The following ZCCHC24 variants were observed in gnomAD, a reference collection of about 807,000 sequenced individuals.
The protein encoded by ZCCHC24 is zinc finger CCHC-type containing 24.
ZCCHC24 carries 10 observed loss-of-function variants against 26.2 expected under a neutral mutation model. That is an observed-to-expected ratio of 0.38 (90% CI 0.24 to 0.65). The LOEUF is 0.65. Ranked by LOEUF, ZCCHC24 falls within the 30% of genes least tolerant of loss-of-function variation. The pLI is 0.54. For missense variants in ZCCHC24, 243 were observed against 329.1 expected (o/e 0.74, Z 2.03); for synonymous variants, 144 against 147.1 (o/e 0.98, Z 0.15).
chr10:79,445,224 T>A lies in ZCCHC24; in HGVS notation c.217A>T (p.Asn73Tyr). The change falls in exon 1 of 4, where the codon AAC becomes TAC. Residue 73 changes from asparagine (N) to tyrosine (Y), a missense_variant. Asn to Tyr is a moderately radical substitution (Grantham distance 143). This residue lies in a region of ZCCHC24 where 147 missense variants were observed against 150.8 expected (regional missense o/e 0.97). Coordinates refer to ENST00000372336, the MANE Select transcript of ZCCHC24 (RefSeq NM_153367.4). The part of the protein sequence containing the change: ...LGSPLHSSYL[N>Y]SFFQLQRGEA... ...CCGCGCTGCAGCTGGAAGAAGCTGT[T>A]GAGATAGCTGGAGTGCAGGGGCGAG... 7.5e-7 allele frequency: 1 copy of A among 1,329,892 alleles called. No homozygotes were observed. The highest frequency in any genetic ancestry group is 9.7e-7 in the Non-Finnish European group (1 of 1,033,188). The allele number at this position is 1,329,892 out of a possible 1,614,324, so 82.4% of individuals were successfully genotyped here.
intron 2 of ZCCHC24, among the ~76,000 whole-genome samples, chr10:79,412,499 G>A (rs1214550047): frequency 6.6e-6 from 1 of 152,262 alleles, no homozygotes; most frequent in Non-Finnish European, 1.5e-5. Context: ...GGCAGCCACA[G>A]GCAGCTCCAG....
chr10:79,425,180 C>T (rs1447906701), intron 2 of ZCCHC24, among the ~76,000 whole-genome samples: 1 of 152,234 alleles, frequency 6.6e-6, no homozygotes, highest in Non-Finnish European at 1.5e-5. Context: ...CATTGCTGCT[C>T]AGGCCTTCAG....
intron 2 of ZCCHC24, among the ~76,000 whole-genome samples, chr10:79,432,322 A>G (rs530176569): frequency 7.0e-4 from 106 of 152,254 alleles, no homozygotes; most frequent in African/African-American, 2.5e-3. Context: ...AAAATCCCCC[A>G]CCCAGATTGC....
intron 2 of ZCCHC24, among the ~76,000 whole-genome samples, chr10:79,428,038 G>T (rs1231184115): frequency 6.6e-6 from 1 of 152,206 alleles, no homozygotes; most frequent in Non-Finnish European, 1.5e-5. Flanking sequence ...TTGAAGTGGA[G>T]AATTGAAAGC....
intron 2 of ZCCHC24, among the ~76,000 whole-genome samples, chr10:79,398,352 C>A (rs997459822): frequency 6.6e-6 from 1 of 152,208 alleles, no homozygotes; most frequent in Non-Finnish European, 1.5e-5. Flanking sequence ...GACCTGCCTC[C>A]CGGGGCTGTT....
chr10:79,398,500 G>A (rs1314773498), intron 2 of ZCCHC24, among the ~76,000 whole-genome samples: 2 of 152,322 alleles, frequency 1.3e-5, no homozygotes, highest in Non-Finnish European at 2.9e-5. Flanking sequence ...GGTGTCTGAG[G>A]TATTGCCGAG....
At chr10:79,400,953 C>A (rs1428284787) in intron 2 of ZCCHC24, among the ~76,000 whole-genome samples, 2 of 152,272 alleles carry the variant, frequency 1.3e-5, no homozygotes, top group Non-Finnish European at 2.9e-5. Context: ...TGAAGTCCCA[C>A]CACGAGTGAG....
chr10:79,424,887 C>G (rs1174978240), intron 2 of ZCCHC24, among the ~76,000 whole-genome samples: 1 of 152,214 alleles, frequency 6.6e-6, no homozygotes, highest in South Asian at 2.1e-4. Flanking sequence ...AGGCCTCCCA[C>G]GAAGCTCCAG....
At chr10:79,391,242 T>C (rs1167760625) in intron 3 of ZCCHC24, among the ~76,000 whole-genome samples, 1 of 152,080 alleles carries the variant, frequency 6.6e-6, no homozygotes, top group Non-Finnish European at 1.5e-5. Flanking sequence ...GGAGAGCTGA[T>C]CCTGAATGTG....
At chr10:79,438,725 G>A (rs967250613) in intron 1 of ZCCHC24, among the ~76,000 whole-genome samples, 4 of 152,198 alleles carry the variant, frequency 2.6e-5, no homozygotes, top group African/African-American at 9.6e-5. Context: ...GTGGGGGAGT[G>A]GGCAGAGAGA....
Position 79,400,381 on chromosome 10 carries a change from G to C in ZCCHC24, c.448-5941C>G, listed in dbSNP as rs1426790445. ...ATTACGTTATACCCTTTGGATGAATGACAATAAAGCCACTAAAATAGTTAT... is the reference window on the plus strand; with the variant it reads ...ATTACGTTATACCCTTTGGATGAATCACAATAAAGCCACTAAAATAGTTAT... On this transcript the variant is annotated intron_variant, in intron 2 of 3. Transcript: ENST00000372336. Among the ~76,000 whole-genome samples the C allele has an allele frequency of 2.0e-5, 3 of 152,316 alleles. No homozygotes were observed. The East Asian group carries it at 5.8e-4, about 29-fold the overall frequency.
intron 1 of ZCCHC24, chr10:79,443,959 A>G: frequency 8.7e-7 from 1 of 1,147,700 alleles, no homozygotes; most frequent in Non-Finnish European, 1.2e-6. Flanking sequence ...AGCATTTTAT[A>G]TGTCCATGCC....
intron 3 of ZCCHC24, among the ~76,000 whole-genome samples, chr10:79,390,245 C>A (rs1320750532): frequency 6.6e-6 from 1 of 152,174 alleles, no homozygotes; most frequent in Non-Finnish European, 1.5e-5. Flanking sequence ...TGACCTTTAG[C>A]AAATCACTTA....
intron 2 of ZCCHC24, among the ~76,000 whole-genome samples, chr10:79,425,019 C>T (rs1468473630): frequency 6.6e-6 from 1 of 152,110 alleles, no homozygotes; most frequent in Non-Finnish European, 1.5e-5. Context: ...GCCTGGTGCA[C>T]AAGAAACTCT....
chr10:79,430,380 T>C (rs900649733), intron 2 of ZCCHC24, among the ~76,000 whole-genome samples: 5 of 151,500 alleles, frequency 3.3e-5, no homozygotes, highest in African/African-American at 1.2e-4. Flanking sequence ...CCACAGACCA[T>C]GCAGGTCTTA....
chr10:79,444,293 C>A (rs1381463092), intron 1 of ZCCHC24: 5 of 1,408,326 alleles, frequency 3.6e-6, no homozygotes, highest in Non-Finnish European at 4.6e-6. Context: ...GGAGTGGTAT[C>A]TGGGCAGGCC....
chr10:79,429,013 G>A lies in ZCCHC24; in HGVS notation c.447+3545C>T, dbSNP rs185672542. ...AAAATCTACCCACAAAAGAAAGCCC[G>A]GGCGCAGACGGCATCGCAGGTGAAT... On this transcript the variant is annotated intron_variant, in intron 2 of 3. Transcript: ENST00000372336. 3.2e-4 allele frequency among the ~76,000 whole-genome samples: 48 copies of A among 152,252 alleles called. 1 individual carries two copies. Among genetic ancestry groups the A allele is most frequent in the Middle Eastern group, 3.4e-3 (1 of 294 alleles).
intron 2 of ZCCHC24, among the ~76,000 whole-genome samples, chr10:79,421,571 C>A (rs1171056971): frequency 6.6e-6 from 1 of 151,740 alleles, no homozygotes; most frequent in Non-Finnish European, 1.5e-5. Flanking sequence ...ATTCAAAGGG[C>A]TTTTTGTCTG....
Position 79,445,208 on chromosome 10 carries a change from A to C in ZCCHC24, c.233T>G (p.Leu78Arg). 1 of 1,295,750 alleles carries C rather than the reference A, an allele frequency of 7.7e-7. No individual in the cohort carries two copies. The allele number at this position is 1,295,750 out of a possible 1,614,324, so 80.3% of individuals were successfully genotyped here. The stretch of plus-strand genomic sequence containing the variant: ...GGGGGCACCCACCTCTCCGCGCTGC[A>C]GCTGGAAGAAGCTGTTGAGATAGCT... ...HSSYLNSFFQ[L>R]QRGEALSNSV... Residue 78 changes from leucine (L) to arginine (R), a missense_variant, in exon 1 of 4, where the codon CTG (leucine) becomes CGG (arginine). Transcript: ENST00000372336.
Sources: gnomAD v4.1 joint callset for allele counts (sites outside exome capture counted in the v4.1 genomes callset) on GRCh38, gnomAD v4.1.1 for gene constraint, gnomAD v4.1.1 regional missense constraint, MANE v1.5 for transcripts, NCBI Gene and HGNC (gene_info 2026-07-23, HGNC 2026-07-21) for gene names.